The following ZFPM2 variants were observed in gnomAD, a reference collection of about 807,000 sequenced individuals.
ZFPM2 encodes the protein zinc finger protein, FOG family member 2.
ZFPM2 carries 20 observed loss-of-function variants against 98.6 expected under a neutral mutation model. The observed-to-expected ratio is 0.20, with a 90% CI of 0.14 to 0.29. The LOEUF (loss-of-function observed/expected upper bound fraction) is 0.29, where lower values mean the gene tolerates loss of function less well. ZFPM2 is among the 10% of genes least tolerant of loss of function. ZFPM2 has a pLI of 1.00. For missense variants in ZFPM2, 1,310 were observed against 1,388.6 expected, an observed-to-expected ratio of 0.94 and a Z score of 0.90; for synonymous variants, 518 against 502.7, an observed-to-expected ratio of 1.03 and a Z score of -0.41.
At chr8:105,744,095 G>A (rs1812287168) in intron 5 of ZFPM2, among the ~76,000 whole-genome samples, 1 of 152,000 alleles carries the variant, frequency 6.6e-6, no homozygotes, top group African/African-American at 2.4e-5. Flanking sequence ...CATGCAAATA[G>A]GCAAACCGTG....
intron 2 of ZFPM2, among the ~76,000 whole-genome samples, chr8:105,431,192 G>A (rs1441748715): frequency 2.0e-5 from 3 of 152,084 alleles, no homozygotes; most frequent in Admixed American, 2.0e-4. Flanking sequence ...ACAGGCATGA[G>A]CCACCACACC....
At chr8:105,388,986 A>G (rs80215370) in intron 1 of ZFPM2, among the ~76,000 whole-genome samples, 91 of 151,548 alleles carry the variant, frequency 6.0e-4, no homozygotes, top group African/African-American at 2.0e-3. Flanking sequence ...GAGCTAATTT[A>G]GAAAACAAAA....
At chr8:105,550,643 G>T (rs1190953346) in intron 3 of ZFPM2, among the ~76,000 whole-genome samples, 1 of 152,164 alleles carries the variant, frequency 6.6e-6, no homozygotes, top group Non-Finnish European at 1.5e-5. Context: ...AAATGTATTA[G>T]AGTAAAAAAT....
chr8:105,544,312 A>G (rs1005816717), intron 3 of ZFPM2, among the ~76,000 whole-genome samples: 1 of 152,156 alleles, frequency 6.6e-6, no homozygotes, highest in African/African-American at 2.4e-5. Context: ...ACAGTATTCT[A>G]CATGAGGTCA....
At chr8:105,509,692 C>CTAAA (rs1813776471) in intron 3 of ZFPM2, among the ~76,000 whole-genome samples, 1 of 151,984 alleles carries the variant, frequency 6.6e-6, no homozygotes, top group Non-Finnish European at 1.5e-5. Flanking sequence ...GATGGCTGAA[C>CTAAA]TTTACATTAT....
intron 1 of ZFPM2, chr8:105,414,948 T>A (rs1586355521): frequency 6.6e-6 from 1 of 152,192 alleles, no homozygotes; most frequent in South Asian, 2.1e-4. Flanking sequence ...AGCGCAGCTG[T>A]TGGTACTGAC....
At chr8:105,523,108 T>G (rs1359214761) in intron 3 of ZFPM2, among the ~76,000 whole-genome samples, 3 of 152,240 alleles carry the variant, frequency 2.0e-5, no homozygotes, top group Admixed American at 6.5e-5. Context: ...GGCTTAAAAT[T>G]ACCTGTCTTA....
At chr8:105,424,125 C>T (rs1811859239) in intron 2 of ZFPM2, among the ~76,000 whole-genome samples, 2 of 152,152 alleles carry the variant, frequency 1.3e-5, no homozygotes, top group South Asian at 4.1e-4. Context: ...CCAAACACCA[C>T]CTGTTCCCCC....
At chr8:105,537,993 G>T (rs1205140209) in intron 3 of ZFPM2, among the ~76,000 whole-genome samples, 5 of 152,084 alleles carry the variant, frequency 3.3e-5, no homozygotes, top group Non-Finnish European at 5.9e-5. Context: ...GCCTCCCAAA[G>T]TGTATAATAT....
rs1326475246 is a variant in ZFPM2, at chr8:105,754,382, G to A, written c.533-34336G>A. Among the ~76,000 whole-genome samples, 4 of 152,058 alleles carry A rather than the reference G, an allele frequency of 2.6e-5. No individual in the cohort carries two copies. The East Asian group carries it at 5.8e-4, about 22-fold the overall frequency. Reference sequence around the variant, plus strand: ...GTCCACTGTCTTGAAAATATGTAGCGTCAGAAGTAGAATTACCCATTTATA... The same window carrying A: ...GTCCACTGTCTTGAAAATATGTAGCATCAGAAGTAGAATTACCCATTTATA... On this transcript the variant is annotated intron_variant, in intron 5 of 7. Coordinates refer to ENST00000407775, the MANE Select transcript of ZFPM2 (RefSeq NM_012082.4).
At chr8:105,741,326 G>A (rs771001696) in intron 5 of ZFPM2, among the ~76,000 whole-genome samples, 5 of 152,086 alleles carry the variant, frequency 3.3e-5, no homozygotes, top group Admixed American at 1.3e-4. Flanking sequence ...TCTGATTGGC[G>A]ATACCAAGCA....
chr8:105,517,349 A>G (rs1025859352), intron 3 of ZFPM2, among the ~76,000 whole-genome samples: 1 of 152,174 alleles, frequency 6.6e-6, no homozygotes. Context: ...TTCCTTGACA[A>G]CTTGATGATA....
intron 2 of ZFPM2, among the ~76,000 whole-genome samples, chr8:105,422,803 A>G (rs1055738492): frequency 6.6e-6 from 1 of 152,188 alleles, no homozygotes; most frequent in African/African-American, 2.4e-5. Context: ...TACTACATAT[A>G]TTTAGTCATA....
chr8:105,341,315 A>G (rs1366839883), intron 1 of ZFPM2, among the ~76,000 whole-genome samples: 1 of 151,984 alleles, frequency 6.6e-6, no homozygotes, highest in African/African-American at 2.4e-5. Context: ...CAAATGGAGA[A>G]CAACGCAATT....
At chr8:105,760,182 C>T (rs1812704494) in intron 5 of ZFPM2, among the ~76,000 whole-genome samples, 1 of 151,592 alleles carries the variant, frequency 6.6e-6, no homozygotes, top group African/African-American at 2.4e-5. Context: ...GGGGTTAAGG[C>T]CCTGGACCAA....
At chr8:105,584,891 C>T (rs1268445121) in intron 4 of ZFPM2, among the ~76,000 whole-genome samples, 9 of 152,064 alleles carry the variant, frequency 5.9e-5, no homozygotes, top group Non-Finnish European at 1.3e-4. Context: ...AAAGGTAGAA[C>T]GTTGGTTATG....
intron 6 of ZFPM2, among the ~76,000 whole-genome samples, chr8:105,789,519 A>G (rs1813533320): frequency 1.3e-5 from 2 of 152,024 alleles, no homozygotes; most frequent in Non-Finnish European, 2.9e-5. Context: ...AGTCTTTCCT[A>G]TTGTGAATAG....
intron 1 of ZFPM2, among the ~76,000 whole-genome samples, chr8:105,373,418 G>T (rs1484438216): frequency 6.6e-6 from 1 of 151,990 alleles, no homozygotes; most frequent in Non-Finnish European, 1.5e-5. Context: ...TTCCATTTAA[G>T]GAGTAAGATC....
intron 1 of ZFPM2, chr8:105,358,681 G>C (rs1812796803): frequency 6.6e-6 from 1 of 152,384 alleles, no homozygotes; most frequent in Non-Finnish European, 1.5e-5. Context: ...CTTGTTGGCT[G>C]GGCGGTGGCT....
Sources: gnomAD v4.1 joint callset for allele counts (sites outside exome capture counted in the v4.1 genomes callset) on GRCh38, gnomAD v4.1.1 for gene constraint, MANE v1.5 for transcripts, NCBI Gene and HGNC (gene_info 2026-07-23, HGNC 2026-07-21) for gene names.